LPAR3: variants seen among roughly 807,000 people sequenced by gnomAD.
The protein encoded by LPAR3 is LPA receptor 3.
Under a neutral mutation model 17.8 loss-of-function variants are expected in LPAR3, and 7 were observed. The observed-to-expected ratio is 0.39, with a 90% CI of 0.22 to 0.74. The LOEUF (loss-of-function observed/expected upper bound fraction) is 0.74, where lower values mean the gene tolerates loss of function less well. Ranked by LOEUF, LPAR3 falls within the 30% of genes least tolerant of loss-of-function variation. LPAR3 has a pLI of 0.40. For missense variants in LPAR3, 391 were observed against 453.4 expected, an observed-to-expected ratio of 0.86 and a Z score of 1.25; for synonymous variants, 179 against 179.9, an observed-to-expected ratio of 0.99 and a Z score of 0.04.
intron 2 of LPAR3, among the ~76,000 whole-genome samples, chr1:84,828,105 T>C (rs1659197439): frequency 6.6e-6 from 1 of 152,088 alleles, no homozygotes; most frequent in African/African-American, 2.4e-5. Context: ...GGAAAACACA[T>C]TCATCTCTCT....
Position 84,812,112 on chromosome 1 carries a change from A to G in LPAR3, c.*1734T>C, listed in dbSNP as rs559095884. 59 of 152,316 alleles carry G rather than the reference A, an allele frequency of 3.9e-4. No homozygotes were observed. Among genetic ancestry groups the G allele is most frequent in the African/African-American group, 1.4e-3 (57 of 41,574 alleles). The allele number at this position is 152,316 out of a possible 1,614,324, so 9.4% of individuals were successfully genotyped here. A position where few individuals can be genotyped will look rare whatever the true frequency, so the allele number is the denominator to read the frequency against. On this transcript the variant is annotated 3_prime_UTR_variant, in exon 3 of 3. Coordinates refer to ENST00000370611, the MANE Select transcript of LPAR3 (RefSeq NM_012152.3). ...GAAATTATTCTACATGCTAAATCCA[A>G]CATGCCACCAGTTGGTATGGAGGTA...
chr1:84,886,123 A>C (rs1232927022), intron 1 of LPAR3, among the ~76,000 whole-genome samples: 1 of 152,220 alleles, frequency 6.6e-6, no homozygotes, highest in African/African-American at 2.4e-5. Flanking sequence ...ATTGCATATT[A>C]GATCTCAAGA....
intron 1 of LPAR3, among the ~76,000 whole-genome samples, chr1:84,889,434 C>G (rs557321968): frequency 1.3e-5 from 2 of 152,230 alleles, no homozygotes; most frequent in East Asian, 3.9e-4. Context: ...TCCTCCTGAC[C>G]TGTGGGATGG....
At position 84,837,755 on chromosome 1, in the gene LPAR3, TC is replaced by T. The variant is rs1233287513; in HGVS notation, c.737-23585del. ...AGTTTCTGCAGGTTGTAATCAAACT[TC>T]ACTTTCTTTTATATACCACTTCTTT... On this transcript the variant is annotated intron_variant, in intron 2 of 2. Coordinates refer to ENST00000370611, the MANE Select transcript of LPAR3 (RefSeq NM_012152.3). Among the ~76,000 whole-genome samples the T allele has an allele frequency of 2.0e-5, 3 of 152,272 alleles. No individual in the cohort carries two copies. The East Asian group carries it at 5.8e-4, about 29-fold the overall frequency.
intron 2 of LPAR3, among the ~76,000 whole-genome samples, chr1:84,839,080 A>G (rs1659456391): frequency 6.6e-6 from 1 of 152,100 alleles, no homozygotes; most frequent in South Asian, 2.1e-4. Flanking sequence ...CTGCCATTTA[A>G]CCCTCACATC....
chr1:84,846,371 C>A (rs931360041), intron 2 of LPAR3, among the ~76,000 whole-genome samples: 1 of 152,074 alleles, frequency 6.6e-6, no homozygotes, highest in Non-Finnish European at 1.5e-5. Flanking sequence ...TTTTTATTTT[C>A]GTAATGCTAT....
At chr1:84,837,496 A>G (rs961370556) in intron 2 of LPAR3, among the ~76,000 whole-genome samples, 8 of 152,216 alleles carry the variant, frequency 5.3e-5, no homozygotes, top group African/African-American at 1.9e-4. Context: ...AAAAAACAAG[A>G]CAACATCACC....
chr1:84,823,325 G>C (rs1180213341), intron 2 of LPAR3, among the ~76,000 whole-genome samples: 1 of 152,026 alleles, frequency 6.6e-6, no homozygotes, highest in Admixed American at 6.6e-5. Context: ...TATTCATTTA[G>C]CATTTCAGAA....
intron 1 of LPAR3, among the ~76,000 whole-genome samples, chr1:84,885,266 G>A (rs1660437457): frequency 6.6e-6 from 1 of 152,214 alleles, no homozygotes; most frequent in South Asian, 2.1e-4. Context: ...CTGACCTAGA[G>A]GGTGAGATGA....
chr1:84,853,466 G>A (rs1425645042), intron 2 of LPAR3, among the ~76,000 whole-genome samples: 1 of 152,196 alleles, frequency 6.6e-6, no homozygotes, highest in African/African-American at 2.4e-5. Context: ...TTGATTAAGT[G>A]TTGCTCTTGC....
chr1:84,813,830 G>A lies in LPAR3; in HGVS notation c.*16C>T, dbSNP rs368075022. 23 of 1,603,486 alleles carry A rather than the reference G, an allele frequency of 1.4e-5. No individual in the cohort carries two copies. Among genetic ancestry groups the A allele is most frequent in the African/African-American group, 9.4e-5 (7 of 74,730 alleles). ...TTCCCAGAGGAGGCCTGGGTGGGCCGAGAGGCATCCAGAGTTTAGGAAGTG... is the reference window on the plus strand; with the variant it reads ...TTCCCAGAGGAGGCCTGGGTGGGCCAAGAGGCATCCAGAGTTTAGGAAGTG... On this transcript the variant is annotated 3_prime_UTR_variant, in exon 3 of 3. Transcript: ENST00000370611.
chr1:84,845,632 A>G (rs1659582711), intron 2 of LPAR3, among the ~76,000 whole-genome samples: 1 of 152,188 alleles, frequency 6.6e-6, no homozygotes, highest in African/African-American at 2.4e-5. Context: ...CATTACCAAA[A>G]CCAATTAATC....
At chr1:84,839,494 T>A (rs958717305) in intron 2 of LPAR3, among the ~76,000 whole-genome samples, 1 of 152,136 alleles carries the variant, frequency 6.6e-6, no homozygotes, top group Non-Finnish European at 1.5e-5. Context: ...GGAAACATAA[T>A]GAGACCTGTC....
intron 2 of LPAR3, among the ~76,000 whole-genome samples, chr1:84,833,830 CTCTA>C (rs1659342157): frequency 6.6e-6 from 1 of 152,156 alleles, no homozygotes; most frequent in African/African-American, 2.4e-5. Context: ...CAGAGTAAGC[CTCTA>C]TCTGTCAGCC....
At chr1:84,868,072 G>A (rs1660088106) in intron 1 of LPAR3, among the ~76,000 whole-genome samples, 1 of 152,042 alleles carries the variant, frequency 6.6e-6, no homozygotes, top group Non-Finnish European at 1.5e-5. Context: ...CTATTTAAGG[G>A]TTTCTGATAC....
chr1:84,821,176 C>T (rs1423420037), intron 2 of LPAR3, among the ~76,000 whole-genome samples: 4 of 149,652 alleles, frequency 2.7e-5, no homozygotes, highest in Non-Finnish European at 5.9e-5. Context: ...GAATACTTTT[C>T]CCAAAGGAAA....
At chr1:84,868,295 A>G (rs951815267) in intron 1 of LPAR3, among the ~76,000 whole-genome samples, 2 of 152,122 alleles carry the variant, frequency 1.3e-5, no homozygotes, top group Non-Finnish European at 1.5e-5. Flanking sequence ...TTTTTAGTAG[A>G]GACGGGGTTT....
intron 1 of LPAR3, among the ~76,000 whole-genome samples, chr1:84,869,348 T>C (rs1233406458): frequency 1.3e-5 from 2 of 152,176 alleles, no homozygotes; most frequent in Admixed American, 1.3e-4. Flanking sequence ...AAACTATGAT[T>C]AGCCAGAACT....
intron 2 of LPAR3, among the ~76,000 whole-genome samples, chr1:84,852,920 G>T (rs1454340820): frequency 6.6e-6 from 1 of 152,076 alleles, no homozygotes. Context: ...GAAGAAGCTA[G>T]CTTACTACGG....
Sources: allele counts gnomAD v4.1 joint callset (sites outside exome capture counted in the v4.1 genomes callset), GRCh38; gene constraint gnomAD v4.1.1; transcripts MANE v1.5; gene names NCBI Gene and HGNC (gene_info 2026-07-23, HGNC 2026-07-21).